OPA3: variants seen among roughly 807,000 people sequenced by gnomAD.
OPA3 encodes optic atrophy 3 protein.
Under a neutral mutation model 4.0 loss-of-function variants are expected in OPA3, and 6 were observed. The ratio of observed to expected loss-of-function variants is 1.51; its 90% CI spans 0.83 to 2.99. The LOEUF is 2.99. Among genes scored for constraint, OPA3 ranks in the 30% most tolerant of loss-of-function variants. The probability of loss-of-function intolerance (pLI) is 0.00; values close to 1 mark genes in which losing one functional copy is unlikely to be tolerated. For missense variants in OPA3, 235 were observed against 256.2 expected (o/e 0.92, Z 0.56); for synonymous variants, 105 against 117.1 (o/e 0.90, Z 0.67).
rs56381717 is a variant in OPA3, at chr19:45,576,535, TCCC to T, written c.142+8085_142+8087del. 2.4e-4 allele frequency among the ~76,000 whole-genome samples: 26 copies of T among 107,786 alleles called. 1 individual carries two copies. Among genetic ancestry groups the T allele is most frequent in the Non-Finnish European group, 3.4e-4 (20 of 58,580 alleles). The allele number at this position is 107,786 out of a possible 152,430, so 70.7% of individuals were successfully genotyped here. On this transcript the variant is annotated intron_variant, in intron 1 of 1. Transcript: ENST00000263275. The stretch of plus-strand genomic sequence containing the variant: ...TCTGGGCAACAAGAATGAAACTCCA[TCCC>T]CCCCCCCCCAAAAAAAAAAGTCCAA...
rs1217756880 is a variant in OPA3, at chr19:45,529,032, C to A, written c.*24G>T. The stretch of plus-strand genomic sequence containing the variant: ...TTCGCAGTCCAGACAGCAGTCACCT[C>A]CAAGACCAGGGCCCCGAGACCTCCT... On this transcript the variant is annotated 3_prime_UTR_variant, in exon 2 of 2. Coordinates refer to the OPA3 transcript ENST00000323060. 8 of 1,593,944 alleles carry A rather than the reference C, an allele frequency of 5.0e-6. No homozygotes were observed. The South Asian group carries it at 7.9e-5, about 16-fold the overall frequency.
At chr19:45,558,772 T>C (rs942131047) in intron 1 of OPA3, among the ~76,000 whole-genome samples, 10 of 152,050 alleles carry the variant, frequency 6.6e-5, no homozygotes, top group African/African-American at 2.4e-4. Context: ...TCCCCAAGGC[T>C]GGAGTGCAGT....
intron 1 of OPA3, among the ~76,000 whole-genome samples, chr19:45,538,062 C>CT (rs1487044709): frequency 7.5e-6 from 1 of 133,054 alleles, no homozygotes; most frequent in East Asian, 2.2e-4. Context: ...GATGGTACCA[C>CT]TGCACTCCAG....
At chr19:45,558,938 C>T (rs537609162) in intron 1 of OPA3, among the ~76,000 whole-genome samples, 93 of 152,110 alleles carry the variant, frequency 6.1e-4, no homozygotes, top group African/African-American at 2.2e-3. Context: ...GGCTGGAGTG[C>T]AGTGGCTTGA....
At chr19:45,560,207 G>A (rs1232722042) in intron 1 of OPA3, among the ~76,000 whole-genome samples, 9 of 151,488 alleles carry the variant, frequency 5.9e-5, no homozygotes, top group South Asian at 2.1e-4. Context: ...CTTCCATACC[G>A]GAGAATCCCA....
chr19:45,580,120 C>A (rs978925253), intron 1 of OPA3, among the ~76,000 whole-genome samples: 3 of 151,638 alleles, frequency 2.0e-5, no homozygotes, highest in African/African-American at 7.3e-5. Flanking sequence ...CCTCAGCCTC[C>A]CGAGTAGCTG....
downstream of OPA3, among the ~76,000 whole-genome samples, chr19:45,544,654 C>G (rs1421793166): frequency 6.6e-6 from 1 of 152,112 alleles, no homozygotes; most frequent in Non-Finnish European, 1.5e-5. Context: ...ATTAGCCGGG[C>G]GTGGTGGCAC....
rs200742525 is a variant in OPA3, at chr19:45,584,731, G to C, written c.34C>G (p.Leu12Val). 6.2e-6 allele frequency: 10 copies of C among 1,614,152 alleles called. No individual in the cohort carries two copies. The Admixed American group carries it at 1.2e-4, about 19-fold the overall frequency. ...VVGAFPMAKL[L>V]YLGIRQVSKP... ...CTGACCTGCCGGATGCCCAAGTATA[G>C]CAGCTTCGCCATAGGGAACGCGCCC... Residue 12 changes from leucine to valine, a missense_variant, in exon 1 of 2, where the codon CTA becomes GTA. Coordinates refer to ENST00000263275, the MANE Select transcript of OPA3 (RefSeq NM_025136.4).
intron 1 of OPA3, among the ~76,000 whole-genome samples, chr19:45,577,590 G>A (rs750240210): frequency 1.3e-5 from 2 of 152,100 alleles, no homozygotes; most frequent in Non-Finnish European, 2.9e-5. Context: ...CCAATCCATG[G>A]GAAATCCTGC....
At chr19:45,580,585 G>A (rs190084002) in intron 1 of OPA3, among the ~76,000 whole-genome samples, 2 of 150,796 alleles carry the variant, frequency 1.3e-5, no homozygotes, top group African/African-American at 4.9e-5. Flanking sequence ...GAGGCACCGC[G>A]CCCAGCACAG....
rs1464686410 is a variant in OPA3 at position 45,548,789 on chromosome 19, C to CCTTA, written c.*4721_*4724dup. ...ATATTTTTCCTAAGGTTGACATGGA[C>CCTTA]CTTATTTATTTATTTATTTATTTAT... On this transcript the variant is annotated 3_prime_UTR_variant, in exon 2 of 2. Transcript: ENST00000263275. 2.1e-6 allele frequency: 1 copy of CCTTA among 481,768 alleles called. No homozygotes were observed. Among genetic ancestry groups the CCTTA allele is most frequent in the African/African-American group, 3.3e-5 (1 of 30,010 alleles). The allele number at this position is 481,768 out of a possible 1,614,324, so 29.8% of individuals were successfully genotyped here. A position where few individuals can be genotyped will look rare whatever the true frequency, so the allele number is the denominator to read the frequency against.
chr19:45,584,516 C>A (rs984784293), intron 1 of OPA3, 107 bp downstream of exon 1: 7 of 1,588,124 alleles, frequency 4.4e-6, no homozygotes, highest in African/African-American at 1.3e-5. Flanking sequence ...CTGGACTTTG[C>A]CGGTTCGGGC....
chr19:45,539,159 TGAGGATGACAACTC>T, intron 1 of OPA3, among the ~76,000 whole-genome samples: 1 of 152,224 alleles, frequency 6.6e-6, no homozygotes, highest in East Asian at 1.9e-4. Context: ...CCTCAACACA[TGAGGATGACAACTC>T]GAGATGAGAT....
intron 1 of OPA3, among the ~76,000 whole-genome samples, chr19:45,576,979 G>A (rs1079273): frequency 0.44 from 66,352 of 151,824 alleles, 17,636 homozygotes; most frequent in African/African-American, 0.74. Context: ...GGACCAGTGC[G>A]CGCCAAAGGA....
intron 1 of OPA3, among the ~76,000 whole-genome samples, chr19:45,556,727 G>C (rs969388241): frequency 2.0e-5 from 3 of 152,146 alleles, no homozygotes; most frequent in Admixed American, 2.0e-4. Flanking sequence ...GGAGCTGGAG[G>C]GAAGACCTGA....
At chr19:45,570,823 A>G (rs1232433071) in intron 1 of OPA3, among the ~76,000 whole-genome samples, 1 of 150,720 alleles carries the variant, frequency 6.6e-6, no homozygotes, top group Non-Finnish European at 1.5e-5. Flanking sequence ...AGATTGTGCC[A>G]CTACTCTCCA....
intron 1 of OPA3, among the ~76,000 whole-genome samples, chr19:45,572,607 C>CGATATATATG (rs1969697514): frequency 1.1e-5 from 1 of 92,156 alleles, no homozygotes. Context: ...TGATATATAT[C>CGATATATATG]ATATATATCA....
chr19:45,581,219 T>C (rs1177318612), intron 1 of OPA3, among the ~76,000 whole-genome samples: 1 of 152,132 alleles, frequency 6.6e-6, no homozygotes, highest in Non-Finnish European at 1.5e-5. Context: ...TTCTAAGAGC[T>C]GCAGCCCCAA....
At chr19:45,573,721 A>C (rs548382247) in intron 1 of OPA3, among the ~76,000 whole-genome samples, 1 of 152,196 alleles carries the variant, frequency 6.6e-6, no homozygotes, top group South Asian at 2.1e-4. Context: ...CTGAGGGAAC[A>C]TCAGAACTAT....
Sources: allele counts gnomAD v4.1 joint callset (sites outside exome capture counted in the v4.1 genomes callset), GRCh38; gene constraint gnomAD v4.1.1; transcripts MANE v1.5; gene names NCBI Gene and HGNC (gene_info 2026-07-23, HGNC 2026-07-21).